Variants in MED6 observed in about 807,000 individuals in gnomAD.
MED6 encodes mediator complex subunit 6.
In MED6, 33 loss-of-function variants were observed where a neutral mutation model predicts 37.5. The ratio of observed to expected loss-of-function variants is 0.88; its 90% CI spans 0.67 to 1.18. The LOEUF (loss-of-function observed/expected upper bound fraction) is 1.18, where lower values mean the gene tolerates loss of function less well. Ranked by LOEUF, MED6 falls within the 50% of genes most tolerant of loss-of-function variation. The probability of loss-of-function intolerance (pLI) is 0.00; values close to 1 mark genes in which losing one functional copy is unlikely to be tolerated. For missense variants in MED6, 235 were observed against 290.6 expected (o/e 0.81, Z 1.39); for synonymous variants, 94 against 93.6 (o/e 1.00, Z -0.02).
chr14:70,586,879 G>C (rs960833393), intron 6 of MED6, among the ~76,000 whole-genome samples: 1 of 152,380 alleles, frequency 6.6e-6, no homozygotes, highest in South Asian at 2.1e-4. Flanking sequence ...GCTATACTTA[G>C]AAAGGCCTGC....
Position 70,584,945 on chromosome 14 carries a change from T to C in MED6, c.611-2A>G. The C allele has an allele frequency of 6.2e-7, 1 of 1,612,218 alleles. No individual in the cohort carries two copies. Among genetic ancestry groups the C allele is most frequent in the African/African-American group, 1.3e-5 (1 of 74,814 alleles). ...CTGCCTCTTTCTTTGTTTGATCCAC[T>C]AGATATCAAAAGTAGATTTTTTGGG... On this transcript the variant is annotated splice_acceptor_variant, in intron 7 of 7. Transcript: ENST00000256379. LOFTEE classifies it high-confidence loss of function.
intron 6 of MED6, among the ~76,000 whole-genome samples, chr14:70,586,764 T>C (rs1884720130): frequency 6.6e-6 from 1 of 152,134 alleles, no homozygotes; most frequent in South Asian, 2.1e-4. Context: ...ACTATCCTAC[T>C]CCAACTGCAA....
At chr14:70,591,115 T>C in intron 6 of MED6, 151 bp downstream of exon 6, 1 of 604,484 alleles carries the variant, frequency 1.7e-6, no homozygotes, top group Non-Finnish European at 2.8e-6. Flanking sequence ...ATTAAGTCTT[T>C]CGAAACCTTT....
At position 70,591,393 on chromosome 14, in the gene MED6, C is replaced by T. The variant is rs776575719; in HGVS notation, c.467-12G>A. 3.2e-5 allele frequency: 51 copies of T among 1,585,404 alleles called. No homozygotes were observed. Among genetic ancestry groups the T allele is most frequent in the East Asian group, 6.8e-5 (3 of 44,424 alleles). On this transcript the variant is annotated splice_polypyrimidine_tract_variant and intron_variant, in intron 5 of 7. Transcript: ENST00000256379. ...AGGTCTGACTTTATCTATTAAAATA[C>T]GAAGTCCAAATCAAAACATTGCCTA...
chr14:70,597,003 C>G (rs1885068056), intron 2 of MED6, among the ~76,000 whole-genome samples: 1 of 152,158 alleles, frequency 6.6e-6, no homozygotes, highest in Non-Finnish European at 1.5e-5. Flanking sequence ...AAAAGGCAAT[C>G]AAAATGCCAT....
intron 2 of MED6, among the ~76,000 whole-genome samples, chr14:70,596,970 T>G (rs998912019): frequency 1.3e-5 from 2 of 152,220 alleles, no homozygotes; most frequent in Non-Finnish European, 2.9e-5. Flanking sequence ...GTCAGGAAAG[T>G]ACACCAAAGA....
Position 70,583,826 on chromosome 14 carries a change from C to T in MED6, c.*987G>A, listed in dbSNP as rs918394458. 14 of 344,090 alleles carry T rather than the reference C, an allele frequency of 4.1e-5. No individual in the cohort carries two copies. The Admixed American group carries it at 4.7e-4, about 12-fold the overall frequency. The allele number at this position is 344,090 out of a possible 1,614,324, so 21.3% of individuals were successfully genotyped here. On this transcript the variant is annotated 3_prime_UTR_variant, in exon 8 of 8. Coordinates refer to ENST00000256379, the MANE Select transcript of MED6 (RefSeq NM_005466.4). ...TTTAAAAGCATCTACATGCAGCAAG[C>T]ACACTCAGCCCCCTTGCCATGAGAT...
At position 70,591,260 on chromosome 14, in the gene MED6, C is replaced by A; in HGVS notation, c.582+6G>T. 1 of 1,600,476 alleles carries A rather than the reference C, an allele frequency of 6.2e-7. No individual in the cohort carries two copies. Among genetic ancestry groups the A allele is most frequent in the Non-Finnish European group, 8.6e-7 (1 of 1,169,062 alleles). On this transcript the variant is annotated splice_donor_region_variant and intron_variant, in intron 6 of 7. Transcript: ENST00000256379. The stretch of plus-strand genomic sequence containing the variant: ...AATCAAGATTAACCACACATATTCT[C>A]ATTACCTGCACAAATTTGGGTGGAA...
At chr14:70,588,936 G>A (rs550938004) in intron 6 of MED6, among the ~76,000 whole-genome samples, 3 of 151,878 alleles carry the variant, frequency 2.0e-5, no homozygotes, top group East Asian at 3.9e-4. Context: ...TTTCTATAAC[G>A]TCTAGCCTAG....
At chr14:70,596,740 G>A (rs754727394) in intron 2 of MED6, 38 bp from the exon 3 acceptor site, 7 of 1,393,740 alleles carry the variant, frequency 5.0e-6, no homozygotes, top group Middle Eastern at 1.8e-4. Context: ...ATCTATAAAC[G>A]CCCTACAAAT....
intron 3 of MED6, among the ~76,000 whole-genome samples, chr14:70,594,141 G>A (rs1380527011): frequency 1.3e-5 from 2 of 152,150 alleles, no homozygotes; most frequent in African/African-American, 2.4e-5. Context: ...ATGTCTTAAT[G>A]AGGGTATCCA....
At chr14:70,599,127 A>G (rs1263336160) in intron 1 of MED6, among the ~76,000 whole-genome samples, 3 of 152,180 alleles carry the variant, frequency 2.0e-5, no homozygotes, top group African/African-American at 7.2e-5. Flanking sequence ...TGGTTGAAAA[A>G]CTTCAATCTC....
chr14:70,600,573 G>C (rs772688402), intron 1 of MED6, 43 bp downstream of exon 1: 1 of 1,610,618 alleles, frequency 6.2e-7, no homozygotes, highest in South Asian at 1.1e-5. Context: ...TCCCAAACTG[G>C]TCCACAGACA....
At chr14:70,585,930 C>T (rs1884694226) in intron 6 of MED6, 147 bp from the exon 7 acceptor site, 2 of 600,206 alleles carry the variant, frequency 3.3e-6, no homozygotes, top group South Asian at 5.2e-5. Context: ...TGAAGAAAAG[C>T]TACTATGTAT....
intron 3 of MED6, chr14:70,595,054 T>C: frequency 1.8e-6 from 1 of 556,090 alleles, no homozygotes; most frequent in South Asian, 1.4e-5. Flanking sequence ...TAGAGTCAAG[T>C]ATGAGACAGA....
rs368260992 is a variant in MED6, at chr14:70,592,841, T to A, written c.466+39A>T. 1.2e-5 allele frequency: 19 copies of A among 1,604,320 alleles called. No homozygotes were observed. The African/African-American group carries it at 2.4e-4, about 20-fold the overall frequency. On this transcript the variant is annotated intron_variant, in intron 5 of 7. Coordinates refer to ENST00000256379, the MANE Select transcript of MED6 (RefSeq NM_005466.4). Reference sequence around the variant, plus strand: ...AGAAAACAGCTTCATTCTCAGAGGATCAAAAAGTGTTTTAGGAGGGTATGG... The same window carrying A: ...AGAAAACAGCTTCATTCTCAGAGGAACAAAAAGTGTTTTAGGAGGGTATGG...
intron 3 of MED6, chr14:70,596,177 C>A (rs139409865): frequency 5.6e-6 from 1 of 179,646 alleles, no homozygotes; most frequent in African/African-American, 2.4e-5. Context: ...ATCTAAAAAT[C>A]TGGTGGGCAG....
chr14:70,594,696 C>A, intron 3 of MED6: 1 of 457,854 alleles, frequency 2.2e-6, no homozygotes, highest in South Asian at 1.8e-5. Flanking sequence ...CTCCGTGTCC[C>A]GCTCCACCGG....
intron 6 of MED6, among the ~76,000 whole-genome samples, chr14:70,588,539 A>G (rs906324998): frequency 1.3e-5 from 2 of 151,652 alleles, no homozygotes; most frequent in African/African-American, 4.8e-5. Context: ...ACAAAAAATT[A>G]GCCGGGCGTG....
Sources: allele counts gnomAD v4.1 joint callset (sites outside exome capture counted in the v4.1 genomes callset), GRCh38; gene constraint gnomAD v4.1.1; transcripts MANE v1.5; gene names NCBI Gene and HGNC (gene_info 2026-07-23, HGNC 2026-07-21).